SOX5: variants seen among roughly 807,000 people sequenced by gnomAD.
SOX5 encodes the protein SRY-box transcription factor 5.
A neutral mutation model predicts 92.0 loss-of-function variants in SOX5; 9 were observed. That is an observed-to-expected ratio of 0.10 (90% CI 0.06 to 0.17). SOX5 has a LOEUF of 0.17. Ranked by LOEUF, SOX5 falls within the 10% of genes least tolerant of loss-of-function variation. The pLI is 1.00. For synonymous variants in SOX5, 344 were observed against 336.3 expected (o/e 1.02, Z -0.25); for missense variants, 642 against 944.5 (o/e 0.68, Z 4.20).
chr12:23,731,984 T>C (rs375417647), intron 6 of SOX5, among the ~76,000 whole-genome samples: 1 of 152,116 alleles, frequency 6.6e-6, no homozygotes, highest in East Asian at 1.9e-4. Flanking sequence ...AAGAAAAAAG[T>C]AGATGGAAAT....
At chr12:23,609,701 G>C (rs940896478) in intron 8 of SOX5, among the ~76,000 whole-genome samples, 2 of 150,844 alleles carry the variant, frequency 1.3e-5, no homozygotes, top group Non-Finnish European at 3.0e-5. Flanking sequence ...TTTCCTTCTT[G>C]ACAAAGGAAG....
chr12:24,436,309 G>C (rs1327433800), intron 1 of SOX5, among the ~76,000 whole-genome samples: 2 of 152,188 alleles, frequency 1.3e-5, no homozygotes, highest in African/African-American at 2.4e-5. Flanking sequence ...CAAAGGAAAA[G>C]TTATTGAAGA....
chr12:24,054,457 TTTC>T (rs1328904674), intron 4 of SOX5, among the ~76,000 whole-genome samples: 1 of 152,210 alleles, frequency 6.6e-6, no homozygotes, highest in African/African-American at 2.4e-5. Flanking sequence ...TGGGCATGGC[TTTC>T]TTCTTTGTTT....
intron 1 of SOX5, among the ~76,000 whole-genome samples, chr12:23,931,604 T>C (rs1333018175): frequency 2.6e-5 from 4 of 151,666 alleles, no homozygotes; most frequent in Non-Finnish European, 5.9e-5. Flanking sequence ...AATAGTAGAG[T>C]TAAAAGAGAA....
At chr12:24,509,017 T>C (rs1032415413) in intron 1 of SOX5, among the ~76,000 whole-genome samples, 1 of 152,198 alleles carries the variant, frequency 6.6e-6, no homozygotes, top group Non-Finnish European at 1.5e-5. Context: ...CCTGATGATC[T>C]TAGCCTTTAC....
chr12:24,202,649 T>G (rs1957633176), intron 4 of SOX5, among the ~76,000 whole-genome samples: 1 of 152,238 alleles, frequency 6.6e-6, no homozygotes, highest in African/African-American at 2.4e-5. Flanking sequence ...TTTAATGACC[T>G]TCACACTTTT....
At chr12:23,905,493 G>GT (rs927924785) in intron 1 of SOX5, among the ~76,000 whole-genome samples, 1 of 152,128 alleles carries the variant, frequency 6.6e-6, no homozygotes, top group African/African-American at 2.4e-5. Flanking sequence ...ATATCTGCCA[G>GT]TTAAAATGTC....
chr12:23,867,616 T>TA (rs1158188599), intron 2 of SOX5, among the ~76,000 whole-genome samples: 1 of 151,924 alleles, frequency 6.6e-6, no homozygotes, highest in Admixed American at 6.6e-5. Context: ...TACCCCAAAT[T>TA]AAAAAAATCT....
At position 23,726,942 on chromosome 12, in the gene SOX5, G is replaced by A. The variant is rs147016558; in HGVS notation, c.810+7742C>T. ...TTAGACCACAGCAACGCTAACCAAAGTTTAAACAATTATCTAAATAGATTA... is the reference window on the plus strand; with the variant it reads ...TTAGACCACAGCAACGCTAACCAAAATTTAAACAATTATCTAAATAGATTA... On this transcript the variant is annotated intron_variant, in intron 6 of 14. Transcript: ENST00000451604. Among the ~76,000 whole-genome samples, 1,263 of 152,132 alleles carry A rather than the reference G, an allele frequency of 8.3e-3. 14 individuals are homozygous for A. The highest frequency in any genetic ancestry group is 0.029 in the African/African-American group (1,204 of 41,506).
chr12:24,112,633 C>T (rs541888638), intron 4 of SOX5, among the ~76,000 whole-genome samples: 60 of 140,316 alleles, frequency 4.3e-4, no homozygotes, highest in South Asian at 3.4e-3. Flanking sequence ...TGAGCTCAAA[C>T]GATCATCCCA....
At chr12:24,442,905 T>G (rs1940862618) in intron 1 of SOX5, among the ~76,000 whole-genome samples, 1 of 151,884 alleles carries the variant, frequency 6.6e-6, no homozygotes, top group African/African-American at 2.4e-5. Flanking sequence ...TTTCCCAAAC[T>G]AAAGTAGTTA....
chr12:24,068,968 C>A (rs1448632720), intron 4 of SOX5, among the ~76,000 whole-genome samples: 4 of 149,944 alleles, frequency 2.7e-5, no homozygotes, highest in African/African-American at 9.9e-5. Flanking sequence ...GCATAGCCCC[C>A]AGAAACTTAG....
chr12:23,797,527 A>G (rs1298007110), intron 3 of SOX5, among the ~76,000 whole-genome samples: 2 of 152,034 alleles, frequency 1.3e-5, no homozygotes, highest in Admixed American at 6.6e-5. Context: ...TCCACAAAAA[A>G]GAAAAAAATC....
At chr12:24,387,475 T>C (rs1243889336) in intron 1 of SOX5, among the ~76,000 whole-genome samples, 1 of 152,186 alleles carries the variant, frequency 6.6e-6, no homozygotes, top group East Asian at 1.9e-4. Context: ...ATACCCCTGC[T>C]GTAGATCCTG....
intron 4 of SOX5, among the ~76,000 whole-genome samples, chr12:24,104,113 G>C (rs1379697533): frequency 6.6e-6 from 1 of 152,186 alleles, no homozygotes; most frequent in African/African-American, 2.4e-5. Context: ...ATAGTAGATA[G>C]AATTTTATCT....
intron 8 of SOX5, among the ~76,000 whole-genome samples, chr12:23,633,378 CAG>C (rs1312585983): frequency 1.3e-5 from 2 of 152,044 alleles, no homozygotes; most frequent in African/African-American, 4.8e-5. Flanking sequence ...TAATTAGAAA[CAG>C]ATTATTCACA....
At chr12:23,918,722 T>C (rs1273916668) in intron 1 of SOX5, among the ~76,000 whole-genome samples, 1 of 151,912 alleles carries the variant, frequency 6.6e-6, no homozygotes, top group Non-Finnish European at 1.5e-5. Context: ...GGTCAGGAGA[T>C]TGTGGCCAAC....
intron 1 of SOX5, among the ~76,000 whole-genome samples, chr12:24,459,587 G>C (rs528289782): frequency 1.2e-4 from 18 of 152,146 alleles, no homozygotes; most frequent in African/African-American, 4.1e-4. Context: ...ATGAGTTCTG[G>C]GTTCCTGGAG....
At chr12:24,248,759 A>G (rs1287065041) in intron 3 of SOX5, among the ~76,000 whole-genome samples, 2 of 151,836 alleles carry the variant, frequency 1.3e-5, no homozygotes, top group Admixed American at 6.6e-5. Flanking sequence ...CTTGGACTGT[A>G]GTTTCTTTGT....
Sources: allele counts gnomAD v4.1 joint callset (sites outside exome capture counted in the v4.1 genomes callset), GRCh38; gene constraint gnomAD v4.1.1; transcripts MANE v1.5; gene names NCBI Gene and HGNC (gene_info 2026-07-23, HGNC 2026-07-21).